Variants in NUDT1 observed in about 807,000 individuals in gnomAD.
The protein encoded by NUDT1 is nudix hydrolase 1.
In NUDT1, 16 loss-of-function variants were observed where a neutral mutation model predicts 11.3. That is an observed-to-expected ratio of 1.41 (90% CI 0.96 to 2.15). The LOEUF (loss-of-function observed/expected upper bound fraction) is 2.15, where lower values mean the gene tolerates loss of function less well. Ranked by LOEUF, NUDT1 falls within the 30% of genes most tolerant of loss-of-function variation. The probability of loss-of-function intolerance (pLI) is 0.00; values close to 1 mark genes in which losing one functional copy is unlikely to be tolerated. For synonymous variants in NUDT1, 101 were observed against 84.4 expected, an observed-to-expected ratio of 1.20 and a Z score of -1.08; for missense variants, 234 against 208.4, an observed-to-expected ratio of 1.12 and a Z score of -0.76.
intron 1 of NUDT1, chr7:2,242,869 T>C (rs925531201): frequency 2.9e-6 from 2 of 693,074 alleles, no homozygotes; most frequent in African/African-American, 3.5e-5. Flanking sequence ...CTTGTGTTAG[T>C]CAGCTGTTAG....
chr7:2,244,011 C>G (rs964127885), intron 1 of NUDT1, among the ~76,000 whole-genome samples: 1 of 152,032 alleles, frequency 6.6e-6, no homozygotes, highest in African/African-American at 2.4e-5. Flanking sequence ...GGAGGACTAG[C>G]CGGGCCTGGC....
intron 1 of NUDT1, chr7:2,242,766 C>A: frequency 4.0e-6 from 2 of 503,822 alleles, no homozygotes; most frequent in South Asian, 3.0e-5. Context: ...GGCTCCCACC[C>A]CACGGCAGTG....
intron 2 of NUDT1, 98 bp downstream of exon 2, chr7:2,244,824 G>A (rs1794708701): frequency 4.2e-6 from 6 of 1,436,008 alleles, no homozygotes; most frequent in Middle Eastern, 2.4e-4. Flanking sequence ...TAAGAGCTAA[G>A]TGACCTGGAG....
At chr7:2,246,564 T>C (rs1442307203) in intron 2 of NUDT1, among the ~76,000 whole-genome samples, 1 of 152,226 alleles carries the variant, frequency 6.6e-6, no homozygotes, top group Non-Finnish European at 1.5e-5. Flanking sequence ...CTCGTCCTGC[T>C]GGTGACAAGC....
intron 1 of NUDT1, chr7:2,242,731 G>C (rs1794598542): frequency 4.3e-6 from 2 of 468,730 alleles, no homozygotes; most frequent in Non-Finnish European, 7.6e-6. Flanking sequence ...GCCTCTAGGG[G>C]AACATACAGA....
chr7:2,249,407 G>A (rs1056841041), intron 2 of NUDT1: 5 of 230,502 alleles, frequency 2.2e-5, no homozygotes, highest in African/African-American at 6.8e-5. Flanking sequence ...GGGCCCCGGC[G>A]GTCGTAACTA....
At chr7:2,242,500 C>G in intron 1 of NUDT1, 1 of 423,504 alleles carries the variant, frequency 2.4e-6, no homozygotes, top group Non-Finnish European at 4.2e-6. Context: ...GAGTAAATCA[C>G]AAAAATTTAC....
At chr7:2,247,050 C>G (rs145169555) in intron 2 of NUDT1, among the ~76,000 whole-genome samples, 9 of 152,288 alleles carry the variant, frequency 5.9e-5, no homozygotes, top group African/African-American at 1.7e-4. Flanking sequence ...CAGCAGCAAA[C>G]AGCCTCGCCC....
chr7:2,242,482 GA>G (rs1794586765), intron 1 of NUDT1: 1 of 463,832 alleles, frequency 2.2e-6, no homozygotes, highest in South Asian at 3.4e-5. Flanking sequence ...AGGCTTGGGG[GA>G]GACCAGGAGT....
intron 2 of NUDT1, among the ~76,000 whole-genome samples, chr7:2,245,882 T>G (rs1794749084): frequency 6.7e-6 from 1 of 149,180 alleles, no homozygotes; most frequent in Admixed American, 6.7e-5. Flanking sequence ...TTTCCCGGGG[T>G]ACATGGGTCC....
At chr7:2,247,142 CT>C (rs1794798964) in intron 2 of NUDT1, among the ~76,000 whole-genome samples, 1 of 152,194 alleles carries the variant, frequency 6.6e-6, no homozygotes, top group East Asian at 1.9e-4. Flanking sequence ...GGATTTGCTC[CT>C]GGGGCAACCC....
Position 2,244,736 on chromosome 7 carries a change from G to C in NUDT1, c.152+10G>C. The C allele has an allele frequency of 6.2e-7, 1 of 1,602,786 alleles. No homozygotes were observed. Among genetic ancestry groups the C allele is most frequent in the Non-Finnish European group, 8.5e-7 (1 of 1,175,744 alleles). Reference sequence around the variant, plus strand: ...AGGATGGGGCTAGGAGGTAAGGATGGGGCAGGTCTGGCCATAGAACCGGCT... The same window carrying C: ...AGGATGGGGCTAGGAGGTAAGGATGCGGCAGGTCTGGCCATAGAACCGGCT... On this transcript the variant is annotated intron_variant, in intron 2 of 3. Coordinates refer to ENST00000356714, the MANE Select transcript of NUDT1 (RefSeq NM_002452.4).
intron 2 of NUDT1, among the ~76,000 whole-genome samples, chr7:2,247,086 C>G (rs1440278518): frequency 3.3e-5 from 5 of 152,232 alleles, no homozygotes; most frequent in Non-Finnish European, 7.3e-5. Context: ...CCATCAGCCA[C>G]AGGCCACCAG....
At chr7:2,249,595 C>A (rs1260490281) in intron 2 of NUDT1, 3 of 531,244 alleles carry the variant, frequency 5.6e-6, no homozygotes, top group Non-Finnish European at 1.0e-5. Context: ...CTGCGTTCCT[C>A]CCACCAGAGG....
chr7:2,245,258 C>T (rs143893402), intron 2 of NUDT1, among the ~76,000 whole-genome samples: 77 of 152,332 alleles, frequency 5.1e-4, no homozygotes, highest in East Asian at 4.8e-3. Context: ...GTCCTCCAGA[C>T]GCCCCTCAAC....
intron 2 of NUDT1, 112 bp from the exon 3 acceptor site, chr7:2,249,745 C>T (rs2115065016): frequency 2.8e-6 from 4 of 1,408,464 alleles, no homozygotes; most frequent in Non-Finnish European, 3.9e-6. Context: ...CTCCCATCCA[C>T]CCTGGTGGCT....
At position 2,249,903 on chromosome 7, in the gene NUDT1, G is replaced by C. The variant is rs1391504029; in HGVS notation, c.199G>C (p.Val67Leu). 1.2e-6 allele frequency: 2 copies of C among 1,614,210 alleles called. No homozygotes were observed. The highest frequency in any genetic ancestry group is 1.3e-5 in the African/African-American group (1 of 75,076). Residue 67 changes from valine (V) to leucine (L), a missense_variant, in exon 3 of 4, where the codon GTG becomes CTG. Transcript: ENST00000356714. ...SGLTVDALHK[V>L]GQIVFEFVGE... Reference sequence around the variant, plus strand: ...TCTGACAGTGGACGCCCTGCACAAGGTGGGCCAGATCGTGTTTGAGTTCGT... The same window carrying C: ...TCTGACAGTGGACGCCCTGCACAAGCTGGGCCAGATCGTGTTTGAGTTCGT...
At chr7:2,250,738 G>C in intron 3 of NUDT1, 91 bp from the exon 4 acceptor site, 1 of 1,365,162 alleles carries the variant, frequency 7.3e-7, no homozygotes, top group Non-Finnish European at 1.0e-6. Context: ...GATTACAGGC[G>C]TGAGCCACCG....
At chr7:2,243,199 C>G (rs1794621036) in intron 1 of NUDT1, among the ~76,000 whole-genome samples, 1 of 152,146 alleles carries the variant, frequency 6.6e-6, no homozygotes, top group South Asian at 2.1e-4. Flanking sequence ...GTGTCTCTGC[C>G]CACTATAAAA....
Sources: allele counts gnomAD v4.1 joint callset (sites outside exome capture counted in the v4.1 genomes callset), GRCh38; gene constraint gnomAD v4.1.1; transcripts MANE v1.5; gene names NCBI Gene and HGNC (gene_info 2026-07-23, HGNC 2026-07-21).